The following MBOAT2 variants were observed in gnomAD, a reference collection of about 807,000 sequenced individuals.
MBOAT2 encodes the protein membrane-bound glycerophospholipid O-acyltransferase 2.
A neutral mutation model predicts 63.4 loss-of-function variants in MBOAT2; 28 were observed. The observed-to-expected ratio is 0.44, with a 90% CI of 0.33 to 0.61. MBOAT2 has a LOEUF of 0.61. MBOAT2 is among the 20% of genes least tolerant of loss of function. The pLI, the probability that MBOAT2 is intolerant of heterozygous loss-of-function variation, is 0.03. For missense variants in MBOAT2, 470 were observed against 605.8 expected (o/e 0.78, Z 2.35); for synonymous variants, 211 against 215.6 (o/e 0.98, Z 0.19).
chr2:8,899,876 G>A (rs1664785843), intron 4 of MBOAT2, among the ~76,000 whole-genome samples: 1 of 152,132 alleles, frequency 6.6e-6, no homozygotes, highest in Admixed American at 6.5e-5. Flanking sequence ...GAACACCGAG[G>A]TTGCCAGGTT....
At position 9,003,595 on chromosome 2, in the gene MBOAT2, G is replaced by C; in HGVS notation, c.20C>G (p.Thr7Arg). The C allele has an allele frequency of 8.2e-7, 1 of 1,212,246 alleles. No individual in the cohort carries two copies. Among genetic ancestry groups the C allele is most frequent in the Non-Finnish European group, 1.0e-6 (1 of 971,120 alleles). 75.1% of individuals were successfully genotyped at this position (1,212,246 alleles called of 1,614,324 possible). A position where few individuals can be genotyped will look rare whatever the true frequency, so the allele number is the denominator to read the frequency against. Residue 7 changes from threonine to arginine, a missense_variant, in exon 1 of 13, where the codon ACG becomes AGG. This residue lies in a region of MBOAT2 where 376 missense variants were observed against 503.8 expected (regional missense o/e 0.75). Transcript: ENST00000305997. The surrounding 1 kb of genome is among the most constrained non-coding windows in gnomAD (Gnocchi z 5.4). Reference sequence around the variant, plus strand: ...GAGGGGCTGCAGCAGGGTGGAGCCCGTGGTGCTGGTGGTGGCCATGGCCGG... The same window carrying C: ...GAGGGGCTGCAGCAGGGTGGAGCCCCTGGTGCTGGTGGTGGCCATGGCCGG... MATTST[T>R]GSTLLQPLSN... is the part of the protein sequence containing the mutation.
At chr2:8,912,355 A>AAGAG (rs1363761941) in intron 3 of MBOAT2, among the ~76,000 whole-genome samples, 2 of 93,932 alleles carry the variant, frequency 2.1e-5, no homozygotes, top group Non-Finnish European at 4.3e-5. Context: ...AAGAAAGAGA[A>AAGAG]AGAAAGAAAG....
Position 8,995,484 on chromosome 2 carries a change from A to G in MBOAT2, c.75+8056T>C, listed in dbSNP as rs186118419. On this transcript the variant is annotated intron_variant, in intron 1 of 12. Coordinates refer to ENST00000305997, the MANE Select transcript of MBOAT2 (RefSeq NM_138799.4). ...TAGAGTAGAGTACACAGTGAATTTTATTTTTCCCTTGTGACTATATTGTCA... is the reference window on the plus strand; with the variant it reads ...TAGAGTAGAGTACACAGTGAATTTTGTTTTTCCCTTGTGACTATATTGTCA... Among the ~76,000 whole-genome samples the G allele has an allele frequency of 1.5e-3, 224 of 151,632 alleles. 1 individual carries two copies. The highest frequency in any genetic ancestry group is 0.013 in the Admixed American group (202 of 15,222).
chr2:8,858,483 G>GT lies in MBOAT2; in HGVS notation c.*195dup, dbSNP rs1409489810. 2 of 526,736 alleles carry GT rather than the reference G, an allele frequency of 3.8e-6. No individual in the cohort carries two copies. The highest frequency in any genetic ancestry group is 6.7e-6 in the Non-Finnish European group (2 of 298,932). 32.6% of individuals were successfully genotyped at this position (526,736 alleles called of 1,614,324 possible). On this transcript the variant is annotated 3_prime_UTR_variant, in exon 13 of 13. Transcript: ENST00000305997. ...ATATGGAAATATTCTTACATAAGGCGTGGCCCACGGAGACATGGCATGGGA... is the reference window on the plus strand; with the variant it reads ...ATATGGAAATATTCTTACATAAGGCGTTGGCCCACGGAGACATGGCATGGGA...
chr2:8,963,459 A>G (rs950521431), intron 1 of MBOAT2, among the ~76,000 whole-genome samples: 11 of 151,810 alleles, frequency 7.2e-5, no homozygotes, highest in Admixed American at 5.2e-4. Context: ...ATGCACTACC[A>G]CGCCCGGCTA....
At chr2:8,884,584 G>A (rs1311627577) in intron 5 of MBOAT2, among the ~76,000 whole-genome samples, 6 of 151,596 alleles carry the variant, frequency 4.0e-5, no homozygotes, top group Non-Finnish European at 7.4e-5. Context: ...CCAGGCAAGT[G>A]ACATGTTAAT....
At chr2:8,926,312 AC>A (rs1446365476) in intron 3 of MBOAT2, among the ~76,000 whole-genome samples, 4 of 152,176 alleles carry the variant, frequency 2.6e-5, no homozygotes, top group African/African-American at 9.7e-5. Flanking sequence ...GTGTTAAACC[AC>A]CTGAATACAA....
At chr2:8,926,441 G>T (rs748418194) in intron 3 of MBOAT2, among the ~76,000 whole-genome samples, 1 of 152,190 alleles carries the variant, frequency 6.6e-6, no homozygotes, top group African/African-American at 2.4e-5. Flanking sequence ...GGGGGAAAAG[G>T]CCTCGCCACA....
At chr2:8,966,138 T>G (rs1460936574) in intron 1 of MBOAT2, among the ~76,000 whole-genome samples, 1 of 152,200 alleles carries the variant, frequency 6.6e-6, no homozygotes, top group Non-Finnish European at 1.5e-5. Flanking sequence ...GCGTGAAGTA[T>G]ACAACCTGAT....
intron 1 of MBOAT2, among the ~76,000 whole-genome samples, chr2:8,988,924 G>C (rs1424671446): frequency 2.0e-5 from 3 of 152,166 alleles, no homozygotes; most frequent in Non-Finnish European, 4.4e-5. Flanking sequence ...AAGAAAACTG[G>C]AGTATCTAAA....
At chr2:8,887,837 C>T (rs536860272) in intron 5 of MBOAT2, among the ~76,000 whole-genome samples, 181 bp downstream of exon 5, 1 of 152,306 alleles carries the variant, frequency 6.6e-6, no homozygotes, top group African/African-American at 2.4e-5. Context: ...GAAGATAAAA[C>T]ACTGAAGGAA....
intron 6 of MBOAT2, among the ~76,000 whole-genome samples, chr2:8,877,891 C>A (rs1171095861): frequency 1.3e-5 from 2 of 152,070 alleles, no homozygotes; most frequent in Non-Finnish European, 2.9e-5. Context: ...CAGAGTGGAC[C>A]CGGGGGAAGA....
chr2:8,906,707 T>C (rs913157555), intron 4 of MBOAT2, among the ~76,000 whole-genome samples: 3 of 152,204 alleles, frequency 2.0e-5, no homozygotes, highest in Non-Finnish European at 4.4e-5. Flanking sequence ...AAAAGGGTAA[T>C]GACCAAGATC....
intron 3 of MBOAT2, among the ~76,000 whole-genome samples, chr2:8,932,238 G>T (rs1279353639): frequency 3.9e-5 from 6 of 152,056 alleles, no homozygotes; most frequent in Admixed American, 1.3e-4. Flanking sequence ...TAAAGTCTAT[G>T]TTTATTAGTA....
intron 1 of MBOAT2, among the ~76,000 whole-genome samples, chr2:8,972,318 TAG>T (rs913181316): frequency 6.6e-6 from 1 of 150,580 alleles, no homozygotes; most frequent in African/African-American, 2.5e-5. Context: ...TAGCCATATG[TAG>T]AAAGCTGAAA....
At chr2:8,911,035 C>T (rs1322037154) in intron 3 of MBOAT2, among the ~76,000 whole-genome samples, 1 of 152,194 alleles carries the variant, frequency 6.6e-6, no homozygotes, top group Non-Finnish European at 1.5e-5. Flanking sequence ...ACTGATCACA[C>T]ATATCTGTCT....
intron 1 of MBOAT2, among the ~76,000 whole-genome samples, chr2:8,968,802 A>C (rs1209557919): frequency 6.6e-6 from 1 of 152,226 alleles, no homozygotes; most frequent in African/African-American, 2.4e-5. Context: ...AAATGAATGA[A>C]ATGAAGCGAG....
At chr2:8,884,304 T>C (rs1417573809) in intron 5 of MBOAT2, among the ~76,000 whole-genome samples, 1 of 150,976 alleles carries the variant, frequency 6.6e-6, no homozygotes, top group Non-Finnish European at 1.5e-5. Flanking sequence ...CAAATTTTCC[T>C]CAATGATCAC....
intron 4 of MBOAT2, among the ~76,000 whole-genome samples, chr2:8,902,183 C>A (rs1162364565): frequency 6.6e-6 from 1 of 152,182 alleles, no homozygotes; most frequent in African/African-American, 2.4e-5. Flanking sequence ...GCCTGACACC[C>A]GTGTCCGTAG....
Sources: gnomAD v4.1 joint callset for allele counts (sites outside exome capture counted in the v4.1 genomes callset) on GRCh38, gnomAD v4.1.1 for gene constraint, gnomAD v4.1.1 regional missense constraint, Gnocchi (gnomAD v3.1) non-coding constraint, MANE v1.5 for transcripts, NCBI Gene and HGNC (gene_info 2026-07-23, HGNC 2026-07-21) for gene names.